RGS12: variants seen among roughly 807,000 people sequenced by gnomAD.
RGS12 encodes the protein regulator of G-protein signaling 12.
In RGS12, 66 loss-of-function variants were observed where a neutral mutation model predicts 120.1. That is an observed-to-expected ratio of 0.55 (90% CI 0.45 to 0.67). The LOEUF (loss-of-function observed/expected upper bound fraction) is 0.67. RGS12 is among the 30% of genes least tolerant of loss of function. The probability of loss-of-function intolerance (pLI) is 0.00; values close to 1 mark genes in which losing one functional copy is unlikely to be tolerated. For missense variants in RGS12, 1,859 were observed against 1,957.7 expected, an observed-to-expected ratio of 0.95 and a Z score of 0.95; for synonymous variants, 827 against 804.7, an observed-to-expected ratio of 1.03 and a Z score of -0.47.
intron 4 of RGS12, among the ~76,000 whole-genome samples, chr4:3,412,396 C>T (rs1033860808): frequency 1.8e-4 from 27 of 152,226 alleles, no homozygotes; most frequent in African/African-American, 6.3e-4. Context: ...GGTTTAGTGT[C>T]GCTTCTGCCC....
chr4:3,323,790 C>G (rs375258339), intron 2 of RGS12, among the ~76,000 whole-genome samples: 1 of 149,630 alleles, frequency 6.7e-6, no homozygotes, highest in African/African-American at 2.5e-5. Context: ...AGTGTATGTG[C>G]ATTTTAAAGT....
At position 3,366,107 on chromosome 4, in the gene RGS12, T is replaced by G. The variant is rs1202133375; in HGVS notation, c.1999-20309T>G. Among the ~76,000 whole-genome samples, 1 of 151,830 alleles carries G rather than the reference T, an allele frequency of 6.6e-6. No homozygotes were observed. Among genetic ancestry groups the G allele is most frequent in the Non-Finnish European group, 1.5e-5 (1 of 67,958 alleles). ...GGACCTCATCTGGGGGGTGCTGGCC[T>G]GGGCAGCACCATGACCCACCCGAGA... On this transcript the variant is annotated intron_variant, in intron 3 of 17. Transcript: ENST00000336727. This position sits in a 1 kb window ranked among gnomAD's most constrained non-coding sequence, Gnocchi z 4.0.
chr4:3,384,823 C>T (rs1244734528), intron 3 of RGS12, among the ~76,000 whole-genome samples: 1 of 152,184 alleles, frequency 6.6e-6, no homozygotes, highest in African/African-American at 2.4e-5. Flanking sequence ...GAGGAGGATG[C>T]GCATAGCTGG....
intron 16 of RGS12, among the ~76,000 whole-genome samples, chr4:3,429,954 C>T (rs1724073936): frequency 6.6e-6 from 1 of 152,212 alleles, no homozygotes; most frequent in African/African-American, 2.4e-5. Context: ...GTTCATTCTG[C>T]TCCCGACTTT....
chr4:3,428,685 A>G lies in RGS12; in HGVS notation c.3539A>G (p.Gln1180Arg). The G allele has an allele frequency of 1.3e-6, 2 of 1,595,194 alleles. No individual in the cohort carries two copies. Among genetic ancestry groups the G allele is most frequent in the South Asian group, 2.3e-5 (2 of 86,584 alleles). Reference sequence around the variant, plus strand: ...GCAAAGATTGGGAAAAAAAAATATCAGAAAATTAATTTGGACGAAGCAGAG... The same window carrying G: ...GCAAAGATTGGGAAAAAAAAATATCGGAAAATTAATTTGGACGAAGCAGAG... Reference protein sequence around the residue: ...SIAKIGKKKYQKINLDEAEEF... With the variant: ...SIAKIGKKKYRKINLDEAEEF... The change falls in exon 16 of 18, where the codon CAG becomes CGG. Residue 1180 changes from glutamine (Q) to arginine (R), a missense_variant. Gln to Arg is a conservative substitution (Grantham distance 43). This residue lies in a region of RGS12 where 517 missense variants were observed against 488.5 expected (regional missense o/e 1.06). Coordinates refer to ENST00000336727, the MANE Select transcript of RGS12 (RefSeq NM_001394154.1).
intron 1 of RGS12, among the ~76,000 whole-genome samples, chr4:3,309,830 C>T (rs1724246881): frequency 1.7e-5 from 2 of 120,810 alleles, no homozygotes; most frequent in Non-Finnish European, 3.4e-5. Flanking sequence ...TTGGGAATGG[C>T]AGGTGTCTGC....
chr4:3,352,441 T>C (rs1288948100), intron 3 of RGS12, among the ~76,000 whole-genome samples: 1 of 152,136 alleles, frequency 6.6e-6, no homozygotes, highest in Non-Finnish European at 1.5e-5. Context: ...ATCCCACTTC[T>C]GACACCATTT....
In RGS12 at chr4:3,316,767, A is replaced by G. The variant is rs1296734675; in HGVS notation, c.597A>G (p.Ile199Met). Residue 199 changes from isoleucine to methionine, a missense_variant, in exon 2 of 18, where the codon ATA (isoleucine) becomes ATG (methionine). Ile to Met is a conservative substitution (Grantham distance 10). Coordinates refer to ENST00000336727, the MANE Select transcript of RGS12 (RefSeq NM_001394154.1). ...CCAACATGCTTTCTAAGGAGGAAAT[A>G]TCAAAAGTTATTCATGATGATTCGG... ...PNPNMLSKEEISKVIHDDSVF... is the reference protein window; with the variant it reads ...PNPNMLSKEEMSKVIHDDSVF... 6.2e-7 allele frequency: 1 copy of G among 1,614,236 alleles called. No individual in the cohort carries two copies. The highest frequency in any genetic ancestry group is 8.5e-7 in the Non-Finnish European group (1 of 1,180,038).
In RGS12 at chr4:3,430,790, T is replaced by G. The variant is rs1420383838; in HGVS notation, c.3949T>G (p.Trp1317Gly). 6.8e-6 allele frequency: 11 copies of G among 1,611,530 alleles called. No homozygotes were observed. Among genetic ancestry groups the G allele is most frequent in the Non-Finnish European group, 9.3e-6 (11 of 1,179,392 alleles). ...SLAQEGTAQI[W>G]KRQSQEVEAG... ...CGCGCAGGAGGGCACCGCCCAGATC[T>G]GGAAGAGGCAGTCTCAGGAAGTGGA... Residue 1317 changes from tryptophan to glycine, a missense_variant, in exon 17 of 18, where the codon TGG (tryptophan) becomes GGG (glycine). Physicochemically the swap from Trp to Gly is radical, Grantham distance 184. Coordinates refer to ENST00000336727, the MANE Select transcript of RGS12 (RefSeq NM_001394154.1).
chr4:3,338,662 C>G (rs993660961), intron 2 of RGS12, among the ~76,000 whole-genome samples: 1 of 152,090 alleles, frequency 6.6e-6, no homozygotes, highest in Admixed American at 6.5e-5. Flanking sequence ...CGGGCGGTGT[C>G]TGCTCCACTC....
chr4:3,291,835 G>A (rs577330343), upstream of RGS12, among the ~76,000 whole-genome samples: 2 of 152,332 alleles, frequency 1.3e-5, no homozygotes, highest in East Asian at 3.9e-4. Flanking sequence ...GCACCGCCCT[G>A]TGGCTTCCCG....
Position 3,422,981 on chromosome 4 carries a change from A to G in RGS12, c.3107+3A>G. On this transcript the variant is annotated splice_donor_region_variant and intron_variant, in intron 12 of 17. Coordinates refer to ENST00000336727, the MANE Select transcript of RGS12 (RefSeq NM_001394154.1). ...CTAGAAAAGCGCACCTTGTTTCGGTAAGAGGAAGATCGCTGTCATTCACCT... is the reference window on the plus strand; with the variant it reads ...CTAGAAAAGCGCACCTTGTTTCGGTGAGAGGAAGATCGCTGTCATTCACCT... The G allele has an allele frequency of 6.2e-7, 1 of 1,612,336 alleles. No individual in the cohort carries two copies. The highest frequency in any genetic ancestry group is 8.5e-7 in the Non-Finnish European group (1 of 1,179,216).
At chr4:3,424,757 T>C (rs1190335307) in intron 13 of RGS12, among the ~76,000 whole-genome samples, 6 of 152,258 alleles carry the variant, frequency 3.9e-5, no homozygotes, top group Middle Eastern at 6.8e-3. Context: ...TCTCCTGACC[T>C]CTCCAGTGAA....
the RGS12 span, among the ~76,000 whole-genome samples, chr4:3,286,724 G>A: frequency 9.8e-5 from 15 of 152,334 alleles, no homozygotes; most frequent in South Asian, 3.1e-3. Flanking sequence ...ACCGGGGAAA[G>A]GCTCAGCGGG....
intron 1 of RGS12, 61 bp downstream of exon 1, chr4:3,293,160 C>T (rs892885673): frequency 1.4e-5 from 2 of 145,684 alleles, no homozygotes; most frequent in Non-Finnish European, 3.0e-5. Flanking sequence ...CTCTTTCTTT[C>T]GTCTCCGGGG....
At chr4:3,333,301 G>C (rs1179417643) in intron 2 of RGS12, among the ~76,000 whole-genome samples, 1 of 152,034 alleles carries the variant, frequency 6.6e-6, no homozygotes, top group Non-Finnish European at 1.5e-5. Flanking sequence ...CACCCGCCTC[G>C]GCCTCCCAAA....
chr4:3,344,962 A>G (rs560940824), intron 3 of RGS12, among the ~76,000 whole-genome samples: 1 of 152,346 alleles, frequency 6.6e-6, no homozygotes, highest in East Asian at 1.9e-4. Context: ...TCTTGAGCCC[A>G]TCGTCCTGAA....
chr4:3,339,869 T>C (rs1163192648), intron 2 of RGS12, among the ~76,000 whole-genome samples: 2 of 152,184 alleles, frequency 1.3e-5, no homozygotes, highest in Non-Finnish European at 2.9e-5. Flanking sequence ...GAGCCCTCCC[T>C]TCATGGCCCT....
At chr4:3,353,902 C>T (rs1714625506) in intron 3 of RGS12, among the ~76,000 whole-genome samples, 1 of 152,118 alleles carries the variant, frequency 6.6e-6, no homozygotes, top group Non-Finnish European at 1.5e-5. Context: ...AAGCTCTGGG[C>T]ACTCCCCTTT....
Sources: gnomAD v4.1 joint callset for allele counts (sites outside exome capture counted in the v4.1 genomes callset) on GRCh38, gnomAD v4.1.1 for gene constraint, gnomAD v4.1.1 regional missense constraint, Gnocchi (gnomAD v3.1) non-coding constraint, MANE v1.5 for transcripts, NCBI Gene and HGNC (gene_info 2026-07-23, HGNC 2026-07-21) for gene names.